The following TPTE2 variants were observed in gnomAD, a reference collection of about 807,000 sequenced individuals.
TPTE2 encodes transmembrane phosphoinositide 3-phosphatase and tensin homolog 2, also known as phosphatidylinositol 3,4,5-trisphosphate 3-phosphatase TPTE2.
In TPTE2, 53 loss-of-function variants were observed where a neutral mutation model predicts 78.6. The ratio of observed to expected loss-of-function variants is 0.67; its 90% CI spans 0.54 to 0.85. The LOEUF (loss-of-function observed/expected upper bound fraction) is 0.85, where lower values mean the gene tolerates loss of function less well. Among genes scored for constraint, TPTE2 ranks in the 40% least tolerant of loss-of-function variants. The pLI is 0.00. For synonymous variants in TPTE2, 175 were observed against 206.2 expected (o/e 0.85, Z 1.30); for missense variants, 461 against 623.0 (o/e 0.74, Z 2.77).
Position 19,503,170 on chromosome 13 carries a change from C to A in TPTE2, c.11+54G>T. The A allele has an allele frequency of 9.3e-6, 15 of 1,611,448 alleles. No individual in the cohort carries two copies. In the South Asian group the frequency reaches 1.5e-4, roughly 17 times the overall value. ...GTTTATGTGCCTGTGTGTGTGAATA[C>A]TTCTATGCTCAGTTATAATTAGATA... On this transcript the variant is annotated intron_variant, in intron 1 of 19. Coordinates refer to ENST00000400230, the Ensembl canonical transcript of TPTE2.
chr13:19,479,304 G>A (rs1880174115), intron 4 of TPTE2, among the ~76,000 whole-genome samples: 1 of 152,130 alleles, frequency 6.6e-6, no homozygotes, highest in Non-Finnish European at 1.5e-5. Context: ...CAGAAGTAAA[G>A]GCAGGTTGCA....
At chr13:19,425,772 C>G (rs768595923) in intron 18 of TPTE2, 1 of 515,494 alleles carries the variant, frequency 1.9e-6, no homozygotes, top group East Asian at 5.5e-5. Context: ...ACCCATCAGT[C>G]GAGCACAGGT....
At chr13:19,474,823 A>G (rs1392811810) in intron 5 of TPTE2, among the ~76,000 whole-genome samples, 1 of 152,248 alleles carries the variant, frequency 6.6e-6, no homozygotes, top group Non-Finnish European at 1.5e-5. Flanking sequence ...ATAAATCTAT[A>G]TCATAGTATG....
At chr13:19,475,903 A>T (rs1200923832) in intron 4 of TPTE2, among the ~76,000 whole-genome samples, 1 of 152,200 alleles carries the variant, frequency 6.6e-6, no homozygotes, top group Non-Finnish European at 1.5e-5. Context: ...CTAAACTTAA[A>T]CTTGTGGTCA....
chr13:19,422,986 G>T, exon 20 of TPTE2: 1 of 1,571,614 alleles, frequency 6.4e-7, no homozygotes, highest in Middle Eastern at 1.7e-4. Context: ...GCAGGGGTTG[G>T]AAAGAACATA....
intron 6 of TPTE2, among the ~76,000 whole-genome samples, chr13:19,469,938 T>C (rs1879502702): frequency 6.6e-6 from 1 of 152,254 alleles, no homozygotes; most frequent in Non-Finnish European, 1.5e-5. Context: ...TTTAGTATTT[T>C]CCAAATAAAA....
intron 6 of TPTE2, among the ~76,000 whole-genome samples, chr13:19,469,751 G>T (rs1879492876): frequency 6.6e-6 from 1 of 151,894 alleles, no homozygotes; most frequent in African/African-American, 2.4e-5. Flanking sequence ...CTTTGGTTAG[G>T]TTAATTTCTA....
the TPTE2 span, among the ~76,000 whole-genome samples, chr13:19,555,370 T>C: frequency 6.6e-6 from 1 of 152,306 alleles, no homozygotes; most frequent in South Asian, 2.1e-4. Flanking sequence ...GAATAACTCA[T>C]TCAATCGGTC....
intron 13 of TPTE2, among the ~76,000 whole-genome samples, chr13:19,447,650 G>A (rs1246277074): frequency 2.0e-5 from 3 of 151,876 alleles, no homozygotes; most frequent in East Asian, 1.9e-4. Flanking sequence ...GTCAGTTTAC[G>A]GTGCTATGTT....
chr13:19,425,633 G>T (rs1875981090), intron 18 of TPTE2: 2 of 466,272 alleles, frequency 4.3e-6, no homozygotes, highest in Admixed American at 4.4e-5. Context: ...CTCAGTCACA[G>T]CAGAGACTCA....
intron 6 of TPTE2, among the ~76,000 whole-genome samples, chr13:19,470,809 A>G (rs965496387): frequency 6.6e-6 from 1 of 152,100 alleles, no homozygotes; most frequent in Non-Finnish European, 1.5e-5. Flanking sequence ...TATAGAAGTG[A>G]GCCACCACTT....
intron 1 of TPTE2, among the ~76,000 whole-genome samples, chr13:19,495,906 T>A (rs1325432727): frequency 6.6e-6 from 1 of 152,184 alleles, no homozygotes; most frequent in East Asian, 1.9e-4. Flanking sequence ...TCTCACTCTG[T>A]CACCCAAGCT....
chr13:19,435,441 G>C (rs868092853), intron 15 of TPTE2, among the ~76,000 whole-genome samples: 13 of 152,144 alleles, frequency 8.5e-5, no homozygotes, highest in Non-Finnish European at 1.3e-4. Context: ...GGGTTGAGGG[G>C]TGTGAGTGGA....
At position 19,461,376 on chromosome 13, in the gene TPTE2, A is replaced by G. The variant is rs1878876812; in HGVS notation, c.741+3080T>C. 1.3e-5 allele frequency among the ~76,000 whole-genome samples: 2 copies of G among 152,200 alleles called. 1 individual carries two copies. Among genetic ancestry groups the G allele is most frequent in the South Asian group, 4.2e-4 (2 of 4,812 alleles). On this transcript the variant is annotated intron_variant, in intron 10 of 19. Coordinates refer to ENST00000400230, the Ensembl canonical transcript of TPTE2. The stretch of plus-strand genomic sequence containing the variant: ...CTTGCATACAATGTGTAATGATCAA[A>G]TCAGGATAGTCAGCATATCTGTCAC...
chr13:19,423,956 C>T (rs550405966), intron 19 of TPTE2, among the ~76,000 whole-genome samples: 82 of 152,236 alleles, frequency 5.4e-4, no homozygotes, highest in Admixed American at 2.4e-3. Flanking sequence ...TGTTTGTATG[C>T]ATCTAAAAAA....
At chr13:19,498,343 T>C (rs1881523721) in intron 1 of TPTE2, among the ~76,000 whole-genome samples, 1 of 151,674 alleles carries the variant, frequency 6.6e-6, no homozygotes, top group Admixed American at 6.6e-5. Flanking sequence ...AGACACATAA[T>C]TGTCAGATTC....
chr13:19,427,127 A>C (rs1337752322), intron 17 of TPTE2, among the ~76,000 whole-genome samples: 1 of 114,350 alleles, frequency 8.7e-6, no homozygotes, highest in Non-Finnish European at 1.6e-5. Context: ...CTCTGTCACC[A>C]GGCTGGAGTA....
chr13:19,434,220 G>A (rs1372779508), intron 15 of TPTE2, among the ~76,000 whole-genome samples: 1 of 152,176 alleles, frequency 6.6e-6, no homozygotes, highest in Non-Finnish European at 1.5e-5. Flanking sequence ...GCAAAGTGAC[G>A]TAGTCCCTAA....
At chr13:19,464,045 C>A (rs1190602237) in intron 10 of TPTE2, among the ~76,000 whole-genome samples, 1 of 151,958 alleles carries the variant, frequency 6.6e-6, no homozygotes, top group Non-Finnish European at 1.5e-5. Flanking sequence ...GGGCCTTGGG[C>A]CTCGGGGGGG....
Sources: allele counts gnomAD v4.1 joint callset (sites outside exome capture counted in the v4.1 genomes callset), GRCh38; gene constraint gnomAD v4.1.1; transcripts MANE v1.5; gene names NCBI Gene and HGNC (gene_info 2026-07-23, HGNC 2026-07-21).